TBL1XR1: variants seen among roughly 807,000 people sequenced by gnomAD.
TBL1XR1 encodes the protein F-box-like/WD repeat-containing protein TBL1XR1.
In TBL1XR1, 5 loss-of-function variants were observed where a neutral mutation model predicts 66.9. That is an observed-to-expected ratio of 0.07 (90% CI 0.04 to 0.16). TBL1XR1 has a LOEUF of 0.16. Among genes scored for constraint, TBL1XR1 ranks in the 10% least tolerant of loss-of-function variants. The pLI is 1.00. For missense variants in TBL1XR1, 238 were observed against 623.2 expected (o/e 0.38, Z 6.58); for synonymous variants, 210 against 206.0 (o/e 1.02, Z -0.17).
chr3:177,102,646 A>G (rs1724369410), intron 1 of TBL1XR1, among the ~76,000 whole-genome samples: 1 of 152,182 alleles, frequency 6.6e-6, no homozygotes, highest in Non-Finnish European at 1.5e-5. Context: ...CTGCATTTCT[A>G]CTTTTACTCA....
intron 2 of TBL1XR1, among the ~76,000 whole-genome samples, chr3:177,084,954 T>A (rs1375484507): frequency 6.6e-6 from 1 of 152,218 alleles, no homozygotes; most frequent in Non-Finnish European, 1.5e-5. Context: ...GAATTATAAC[T>A]CTCTACTATT....
Position 177,090,517 on chromosome 3 carries a change from T to TAAAA in TBL1XR1, c.-46+7945_-46+7948dup, listed in dbSNP as rs768136243. On this transcript the variant is annotated intron_variant, in intron 2 of 15. Coordinates refer to ENST00000457928, the MANE Select transcript of TBL1XR1 (RefSeq NM_024665.7). ...CAACACAGGGAGACACTGTCTCTAC[T>TAAAA]AAAAAAAAAAAAAAAAAAAAATCAG... 5.8e-3 allele frequency among the ~76,000 whole-genome samples: 597 copies of TAAAA among 102,412 alleles called. 16 individuals carry two copies. Among genetic ancestry groups the TAAAA allele is most frequent in the African/African-American group, 0.017 (444 of 26,344 alleles). The allele number at this position is 102,412 out of a possible 152,430, so 67.2% of individuals were successfully genotyped here. A position where few individuals can be genotyped will look rare whatever the true frequency, so the allele number is the denominator to read the frequency against.
At chr3:177,067,243 ATATGTTTG>A (rs969012134) in intron 2 of TBL1XR1, among the ~76,000 whole-genome samples, 4 of 152,220 alleles carry the variant, frequency 2.6e-5, no homozygotes, top group African/African-American at 9.6e-5. Flanking sequence ...TCAATCATGA[ATATGTTTG>A]TCACGGGGAA....
At chr3:177,033,618 CATT>C (rs1284148346) in intron 13 of TBL1XR1, among the ~76,000 whole-genome samples, 4 of 151,796 alleles carry the variant, frequency 2.6e-5, no homozygotes, top group African/African-American at 9.7e-5. Context: ...TATAGAATAT[CATT>C]ATAACTTGAA....
chr3:177,081,575 C>T (rs1054939346), intron 2 of TBL1XR1, among the ~76,000 whole-genome samples: 1 of 151,694 alleles, frequency 6.6e-6, no homozygotes, highest in African/African-American at 2.4e-5. Context: ...CATAACAAGA[C>T]CTAATCTCTA....
chr3:177,159,011 A>C (rs1005249641), intron 1 of TBL1XR1, among the ~76,000 whole-genome samples: 1 of 152,328 alleles, frequency 6.6e-6, no homozygotes, highest in Middle Eastern at 3.4e-3. Context: ...TAGCATTCAA[A>C]GAGCCTCAAT....
intron 1 of TBL1XR1, among the ~76,000 whole-genome samples, chr3:177,119,828 C>T (rs115952984): frequency 1.3e-5 from 2 of 152,192 alleles, no homozygotes; most frequent in Non-Finnish European, 2.9e-5. Flanking sequence ...GTGCTCTATA[C>T]CAACCTCACC....
At chr3:177,051,477 T>A in intron 5 of TBL1XR1, 27 bp downstream of exon 5, 1 of 1,548,526 alleles carries the variant, frequency 6.5e-7, no homozygotes, top group South Asian at 1.2e-5. Context: ...ACCATGTAAT[T>A]AAAAAAAAAT....
chr3:177,190,169 A>T (rs1280570332), intron 1 of TBL1XR1, among the ~76,000 whole-genome samples: 1 of 149,888 alleles, frequency 6.7e-6, no homozygotes, highest in African/African-American at 2.4e-5. Flanking sequence ...AAAAGAGTCC[A>T]AAATCTTAAG....
chr3:177,110,358 A>C (rs1560186332), intron 1 of TBL1XR1, among the ~76,000 whole-genome samples: 1 of 152,276 alleles, frequency 6.6e-6, no homozygotes, highest in Non-Finnish European at 1.5e-5. Context: ...TTTAGGCAAC[A>C]ATTTGTAAAT....
intron 2 of TBL1XR1, among the ~76,000 whole-genome samples, chr3:177,070,780 T>C (rs1719875036): frequency 6.6e-6 from 1 of 151,680 alleles, no homozygotes; most frequent in South Asian, 2.1e-4. Context: ...CAGGAGACGG[T>C]AGCTGCAGTG....
At chr3:177,072,961 G>A (rs1451011455) in intron 2 of TBL1XR1, among the ~76,000 whole-genome samples, 2 of 152,148 alleles carry the variant, frequency 1.3e-5, no homozygotes, top group African/African-American at 2.4e-5. Context: ...CTACTTGGGG[G>A]GTTGGGGCAG....
intron 1 of TBL1XR1, among the ~76,000 whole-genome samples, chr3:177,142,922 A>T (rs1355565494): frequency 6.6e-6 from 1 of 152,100 alleles, no homozygotes; most frequent in African/African-American, 2.4e-5. Flanking sequence ...GACAAAAAAA[A>T]GACAGCATTC....
upstream of TBL1XR1, chr3:177,201,646 A>G (rs1043167136): frequency 6.6e-6 from 1 of 152,182 alleles, no homozygotes; most frequent in Non-Finnish European, 1.5e-5. Flanking sequence ...CATCTACATA[A>G]AGTATTCAAA....
chr3:177,172,727 A>G (rs958404314), intron 1 of TBL1XR1, among the ~76,000 whole-genome samples: 8 of 151,456 alleles, frequency 5.3e-5, no homozygotes, highest in Non-Finnish European at 7.4e-5. Flanking sequence ...AAGCCGAGCC[A>G]AGCCAAGCCA....
intron 1 of TBL1XR1, among the ~76,000 whole-genome samples, chr3:177,111,541 T>C (rs1725564267): frequency 6.6e-6 from 1 of 151,888 alleles, no homozygotes; most frequent in Non-Finnish European, 1.5e-5. Context: ...CTCAAGTTAT[T>C]TGCCCATCTA....
intron 1 of TBL1XR1, among the ~76,000 whole-genome samples, chr3:177,175,575 T>C (rs1001868590): frequency 2.0e-5 from 3 of 152,204 alleles, no homozygotes; most frequent in Admixed American, 2.0e-4. Context: ...ACACACTTAA[T>C]TTTTTAAATT....
chr3:177,071,961 T>C (rs908363260), intron 2 of TBL1XR1, among the ~76,000 whole-genome samples: 1 of 152,122 alleles, frequency 6.6e-6, no homozygotes, highest in Non-Finnish European at 1.5e-5. Context: ...CCAGGGCACA[T>C]GGGCTGGGGA....
rs576079779 is a variant in TBL1XR1, at chr3:177,038,142, T to A, written c.1078A>T (p.Thr360Ser). 6.2e-7 allele frequency: 1 copy of A among 1,613,288 alleles called. No individual in the cohort carries two copies. Among genetic ancestry groups the A allele is most frequent in the Non-Finnish European group, 8.5e-7 (1 of 1,179,806 alleles). ...NEVNAIKWDP[T>S]GNLLASCSDD... is the part of the protein sequence containing the mutation. The stretch of plus-strand genomic sequence containing the variant: ...GAACAGGAGGCCAAGAGATTGCCAG[T>A]TGGGTCCCATTTGATAGCATTTACT... The change falls in exon 12 of 16, where the codon ACT (threonine) becomes TCT (serine). Residue 360 changes from threonine (T) to serine (S), a missense_variant. Around this residue, in one of 8 missense-constraint regions of TBL1XR1, gnomAD observed 89 missense variants for 220.2 expected, o/e 0.40. Coordinates refer to ENST00000457928, the MANE Select transcript of TBL1XR1 (RefSeq NM_024665.7).
Sources: gnomAD v4.1 joint callset for allele counts (sites outside exome capture counted in the v4.1 genomes callset) on GRCh38, gnomAD v4.1.1 for gene constraint, gnomAD v4.1.1 regional missense constraint, MANE v1.5 for transcripts, NCBI Gene and HGNC (gene_info 2026-07-23, HGNC 2026-07-21) for gene names.